The following ITGA1 variants were observed in gnomAD, a reference collection of about 807,000 sequenced individuals.
ITGA1 encodes the protein integrin subunit alpha 1, also known as integrin alpha-1.
In ITGA1, 85 loss-of-function variants were observed where a neutral mutation model predicts 145.9. The observed-to-expected ratio is 0.58, with a 90% CI of 0.49 to 0.70. The LOEUF (loss-of-function observed/expected upper bound fraction) is 0.70, where lower values mean the gene tolerates loss of function less well. ITGA1 is among the 30% of genes least tolerant of loss of function. ITGA1 has a pLI of 0.00. For missense variants in ITGA1, 1,351 were observed against 1,418.7 expected (o/e 0.95, Z 0.77); for synonymous variants, 520 against 495.3 (o/e 1.05, Z -0.66).
At chr5:52,809,136 C>A (rs1043270982) in intron 1 of ITGA1, among the ~76,000 whole-genome samples, 5 of 152,154 alleles carry the variant, frequency 3.3e-5, no homozygotes, top group Non-Finnish European at 5.9e-5. Context: ...CTATAGGGAA[C>A]TCTTCCTGCC....
chr5:52,954,643 G>C lies in ITGA1; in HGVS notation c.*2192G>C, dbSNP rs1388077944. 1.3e-5 allele frequency: 2 copies of C among 152,016 alleles called. No individual in the cohort carries two copies. Among genetic ancestry groups the C allele is most frequent in the Non-Finnish European group, 2.9e-5 (2 of 68,014 alleles). 9.4% of individuals were successfully genotyped at this position (152,016 alleles called of 1,614,324 possible). A position where few individuals can be genotyped will look rare whatever the true frequency, so the allele number is the denominator to read the frequency against. ...TTTGTGTGTGTGTGTGTGTGCATGT[G>C]CAGACACATGTACACATATAAATTG... is the stretch of plus-strand genomic sequence containing the variant. On this transcript the variant is annotated 3_prime_UTR_variant, in exon 29 of 29. Transcript: ENST00000282588.
rs1180818408 is a variant in ITGA1, at chr5:52,849,421, A to G, written c.118A>G (p.Ser40Gly). ...TGATGTGAAAAATTCAATGACTTTC[A>G]GCGGCCCGGTGGAAGACATGTTTGG... Reference protein sequence around the residue: ...NVDVKNSMTFSGPVEDMFGYT... With the variant: ...NVDVKNSMTFGGPVEDMFGYT... Residue 40 changes from serine (S) to glycine (G), a missense_variant, in exon 2 of 29, where the codon AGC (serine) becomes GGC (glycine). By Grantham distance (56) the Ser-to-Gly change is moderately conservative. Transcript: ENST00000282588. 3.1e-6 allele frequency: 5 copies of G among 1,611,954 alleles called. No individual in the cohort carries two copies. The highest frequency in any genetic ancestry group is 4.2e-6 in the Non-Finnish European group (5 of 1,179,098).
At chr5:52,793,410 G>A (rs1475447864) in intron 1 of ITGA1, among the ~76,000 whole-genome samples, 1 of 151,768 alleles carries the variant, frequency 6.6e-6, no homozygotes, top group Non-Finnish European at 1.5e-5. Flanking sequence ...TATAAATAAT[G>A]GAATGGAAGA....
chr5:52,933,881 T>G lies in ITGA1; in HGVS notation c.2862-13T>G. On this transcript the variant is annotated splice_polypyrimidine_tract_variant and intron_variant, in intron 22 of 28. Coordinates refer to ENST00000282588, the MANE Select transcript of ITGA1 (RefSeq NM_181501.2). ...TTGTTATGTTTTATTTTTCTTCTAA[T>G]TAATTTTTTAAGCTCTGCAAGTGAA... is the stretch of plus-strand genomic sequence containing the variant. 1 of 1,347,888 alleles carries G rather than the reference T, an allele frequency of 7.4e-7. No homozygotes were observed. Among genetic ancestry groups the G allele is most frequent in the Non-Finnish European group, 1.0e-6 (1 of 991,278 alleles). 83.5% of individuals were successfully genotyped at this position (1,347,888 alleles called of 1,614,324 possible).
intron 6 of ITGA1, among the ~76,000 whole-genome samples, chr5:52,874,717 A>G (rs1749838661): frequency 6.6e-6 from 1 of 152,186 alleles, no homozygotes. Flanking sequence ...GCTAGGTGTC[A>G]AGAGCAATAA....
intron 28 of ITGA1, 98 bp from the exon 29 acceptor site, chr5:52,952,309 T>C: frequency 1.8e-6 from 1 of 559,128 alleles, no homozygotes; most frequent in Non-Finnish European, 3.1e-6. Flanking sequence ...TGCCCAGCAT[T>C]GCCAATATAC....
At chr5:52,801,303 G>A (rs1442826291) in intron 1 of ITGA1, 2 of 1,144,294 alleles carry the variant, frequency 1.7e-6, no homozygotes, top group Admixed American at 2.4e-5. Context: ...AAACTTCGCT[G>A]AAACATATGA....
intron 7 of ITGA1, among the ~76,000 whole-genome samples, chr5:52,883,753 T>C (rs1561236731): frequency 6.6e-6 from 1 of 152,198 alleles, no homozygotes; most frequent in Non-Finnish European, 1.5e-5. Context: ...TATATTTTAA[T>C]TTTTTAAAGC....
At position 52,814,419 on chromosome 5, in the gene ITGA1, T is replaced by C. The variant is rs532671738; in HGVS notation, c.61+26005T>C. Reference sequence around the variant, plus strand: ...TCCCAAAGTGCTGGGATTACAGGTGTGAGCACTGTGCGAGCCCACAATGAG... The same window carrying C: ...TCCCAAAGTGCTGGGATTACAGGTGCGAGCACTGTGCGAGCCCACAATGAG... On this transcript the variant is annotated intron_variant, in intron 1 of 28. Coordinates refer to ENST00000282588, the MANE Select transcript of ITGA1 (RefSeq NM_181501.2). Among the ~76,000 whole-genome samples the C allele has an allele frequency of 1.1e-4, 16 of 152,280 alleles. 1 individual carries two copies. The South Asian group carries it at 3.3e-3, about 32-fold the overall frequency.
chr5:52,940,073 C>G, intron 26 of ITGA1, 129 bp downstream of exon 26: 1 of 667,020 alleles, frequency 1.5e-6, no homozygotes, highest in Middle Eastern at 3.8e-4. Flanking sequence ...GAGGATGTGA[C>G]CAAGCCCCAG....
intron 22 of ITGA1, chr5:52,933,349 C>A (rs561591319): frequency 6.6e-6 from 1 of 152,108 alleles, no homozygotes; most frequent in East Asian, 1.9e-4. Flanking sequence ...TTTCCATTTA[C>A]TTAAAATCAA....
At chr5:52,870,236 A>T (rs1344113282) in intron 6 of ITGA1, among the ~76,000 whole-genome samples, 1 of 152,224 alleles carries the variant, frequency 6.6e-6, no homozygotes, top group African/African-American at 2.4e-5. Context: ...TAATGAAAGC[A>T]TTCAATTCCA....
At chr5:52,919,290 C>G (rs1252479641) in intron 16 of ITGA1, among the ~76,000 whole-genome samples, 2 of 152,118 alleles carry the variant, frequency 1.3e-5, no homozygotes, top group Non-Finnish European at 2.9e-5. Flanking sequence ...TCTCTTGCCC[C>G]CTCTTGGGAA....
chr5:52,915,745 C>A, intron 15 of ITGA1, 151 bp downstream of exon 15: 1 of 903,660 alleles, frequency 1.1e-6, no homozygotes, highest in Admixed American at 2.8e-5. Flanking sequence ...CTGGAAGAGT[C>A]AATACATCTT....
chr5:52,955,796 G>A lies in ITGA1; in HGVS notation c.*3345G>A, dbSNP rs1751295141. On this transcript the variant is annotated 3_prime_UTR_variant, in exon 29 of 29. Transcript: ENST00000282588. Reference sequence around the variant, plus strand: ...AATTTGTCAAACTATTTTCCTCTGAGCACTAGATTCATGGGCAATTTAATC... The same window carrying A: ...AATTTGTCAAACTATTTTCCTCTGAACACTAGATTCATGGGCAATTTAATC... 6.6e-6 allele frequency: 1 copy of A among 152,030 alleles called. No homozygotes were observed. The highest frequency in any genetic ancestry group is 1.5e-5 in the Non-Finnish European group (1 of 68,014). 9.4% of individuals were successfully genotyped at this position (152,030 alleles called of 1,614,324 possible). A position where few individuals can be genotyped will look rare whatever the true frequency, so the allele number is the denominator to read the frequency against.
chr5:52,912,815 C>G (rs1452235315), intron 14 of ITGA1, among the ~76,000 whole-genome samples: 3 of 150,944 alleles, frequency 2.0e-5, no homozygotes, highest in Admixed American at 1.3e-4. Context: ...GGCACGATCT[C>G]AGCTTACTGC....
At chr5:52,883,477 G>T (rs371864711) in intron 7 of ITGA1, among the ~76,000 whole-genome samples, 2 of 152,292 alleles carry the variant, frequency 1.3e-5, no homozygotes, top group East Asian at 3.9e-4. Context: ...TGTAGTGATA[G>T]TACCAAGTAT....
In ITGA1 at chr5:52,952,553, A is replaced by T; in HGVS notation, c.*102A>T. ...TGTATAATTCATGACATAGTCATGTAACTATGTAATCCATCAGGGATTCAT... is the reference window on the plus strand; with the variant it reads ...TGTATAATTCATGACATAGTCATGTTACTATGTAATCCATCAGGGATTCAT... On this transcript the variant is annotated 3_prime_UTR_variant, in exon 29 of 29. Coordinates refer to ENST00000282588, the MANE Select transcript of ITGA1 (RefSeq NM_181501.2). 2.0e-6 allele frequency: 1 copy of T among 495,412 alleles called. No homozygotes were observed. The highest frequency in any genetic ancestry group is 4.2e-4 in the Middle Eastern group (1 of 2,408). The allele number at this position is 495,412 out of a possible 1,614,324, so 30.7% of individuals were successfully genotyped here. A position where few individuals can be genotyped will look rare whatever the true frequency, so the allele number is the denominator to read the frequency against.
rs546804715 is a variant in ITGA1 at position 52,911,195 on chromosome 5, A to G, written c.1857+776A>G. Among the ~76,000 whole-genome samples, 153 of 136,568 alleles carry G rather than the reference A, an allele frequency of 1.1e-3. 1 individual carries two copies. The highest frequency in any genetic ancestry group is 0.022 in the Middle Eastern group (2 of 90). 89.6% of individuals were successfully genotyped at this position (136,568 alleles called of 152,430 possible). A position where few individuals can be genotyped will look rare whatever the true frequency, so the allele number is the denominator to read the frequency against. On this transcript the variant is annotated intron_variant, in intron 14 of 28. Transcript: ENST00000282588. ...TACATATTGTATATATAGTGTACATATAGTATATATAATATATAGTGTATA... is the reference window on the plus strand; with the variant it reads ...TACATATTGTATATATAGTGTACATGTAGTATATATAATATATAGTGTATA...
Sources: gnomAD v4.1 joint callset for allele counts (sites outside exome capture counted in the v4.1 genomes callset) on GRCh38, gnomAD v4.1.1 for gene constraint, MANE v1.5 for transcripts, NCBI Gene and HGNC (gene_info 2026-07-23, HGNC 2026-07-21) for gene names.